ARID5B: variants seen among roughly 807,000 people sequenced by gnomAD.
The protein encoded by ARID5B is AT-rich interactive domain-containing protein 5B.
ARID5B carries 13 observed loss-of-function variants against 97.2 expected under a neutral mutation model. The ratio of observed to expected loss-of-function variants is 0.13; its 90% CI spans 0.09 to 0.21. The LOEUF is 0.21. Among genes scored for constraint, ARID5B ranks in the 10% least tolerant of loss-of-function variants. The probability of loss-of-function intolerance (pLI) is 1.00; values close to 1 mark genes in which losing one functional copy is unlikely to be tolerated. For synonymous variants in ARID5B, 556 were observed against 570.3 expected, an observed-to-expected ratio of 0.97 and a Z score of 0.36; for missense variants, 1,210 against 1,465.3, an observed-to-expected ratio of 0.83 and a Z score of 2.84.
intron 2 of ARID5B, among the ~76,000 whole-genome samples, chr10:61,917,817 A>G (rs548035830): frequency 1.3e-5 from 2 of 152,264 alleles, no homozygotes; most frequent in Admixed American, 6.5e-5. Flanking sequence ...GATGGCAGGA[A>G]GAGATGTGCA....
At chr10:62,062,801 A>T (rs1013983291) in intron 7 of ARID5B, among the ~76,000 whole-genome samples, 1 of 149,604 alleles carries the variant, frequency 6.7e-6, no homozygotes, top group African/African-American at 2.5e-5. Context: ...AAAAAAAAAA[A>T]AAAGTATGCC....
chr10:62,079,229 T>C (rs1309427540), intron 8 of ARID5B, among the ~76,000 whole-genome samples: 1 of 152,172 alleles, frequency 6.6e-6, no homozygotes, highest in African/African-American at 2.4e-5. Flanking sequence ...GCCACCTTTT[T>C]GAGATGAAGA....
At chr10:61,924,681 C>A (rs952111275) in intron 2 of ARID5B, among the ~76,000 whole-genome samples, 1 of 152,178 alleles carries the variant, frequency 6.6e-6, no homozygotes, top group Non-Finnish European at 1.5e-5. Context: ...TCGGTTTGTA[C>A]ATTAAAGTGT....
At chr10:61,966,957 A>G (rs1838553766) in intron 3 of ARID5B, among the ~76,000 whole-genome samples, 1 of 152,078 alleles carries the variant, frequency 6.6e-6, no homozygotes. Flanking sequence ...GCATTTTATT[A>G]TTTCTCACTA....
At chr10:62,042,100 C>G (rs1451984672) in intron 4 of ARID5B, among the ~76,000 whole-genome samples, 1 of 152,088 alleles carries the variant, frequency 6.6e-6, no homozygotes, top group Non-Finnish European at 1.5e-5. Context: ...GATCCTTAAA[C>G]AGCCTTAAGA....
chr10:62,060,733 G>A (rs1355366317), intron 7 of ARID5B, among the ~76,000 whole-genome samples: 1 of 152,134 alleles, frequency 6.6e-6, no homozygotes, highest in African/African-American at 2.4e-5. Context: ...AGCTTTTAAT[G>A]TTTAGAATAG....
rs182785962 is a variant in ARID5B at position 62,032,567 on chromosome 10, T to A, written c.734-18321T>A. Among the ~76,000 whole-genome samples, 11 of 151,940 alleles carry A rather than the reference T, an allele frequency of 7.2e-5. No homozygotes were observed. In the East Asian group the frequency reaches 1.9e-3, roughly 27 times the overall value. ...CTGTCTCTACTAAGAATACAAAAATTAGCCGGGCGTGGTGATGGGCGCCTG... is the reference window on the plus strand; with the variant it reads ...CTGTCTCTACTAAGAATACAAAAATAAGCCGGGCGTGGTGATGGGCGCCTG... On this transcript the variant is annotated intron_variant, in intron 4 of 9. Coordinates refer to ENST00000279873, the MANE Select transcript of ARID5B (RefSeq NM_032199.3).
intron 3 of ARID5B, among the ~76,000 whole-genome samples, chr10:61,962,221 C>T (rs1175692757): frequency 3.9e-5 from 6 of 152,186 alleles, no homozygotes; most frequent in African/African-American, 1.4e-4. Context: ...TTGAATCCTT[C>T]GGATTGTCTG....
chr10:61,990,073 C>T (rs1235379487), intron 3 of ARID5B, among the ~76,000 whole-genome samples: 5 of 152,152 alleles, frequency 3.3e-5, no homozygotes, highest in Non-Finnish European at 1.5e-5. Context: ...AAAGTCTTCT[C>T]GTACCCTCAA....
chr10:62,087,298 C>CAAAAAAAAAAAAAAA lies in ARID5B; in HGVS notation c.1398+1404_1398+1418dup, dbSNP rs71299289. Among the ~76,000 whole-genome samples the CAAAAAAAAAAAAAAA allele has an allele frequency of 2.7e-4, 11 of 40,926 alleles. 3 individuals are homozygous for CAAAAAAAAAAAAAAA. The highest frequency in any genetic ancestry group is 2.4e-3 in the East Asian group (3 of 1,264). The allele number at this position is 40,926 out of a possible 152,430, so 26.8% of individuals were successfully genotyped here. A position where few individuals can be genotyped will look rare whatever the true frequency, so the allele number is the denominator to read the frequency against. On this transcript the variant is annotated intron_variant, in intron 9 of 9. Coordinates refer to ENST00000279873, the MANE Select transcript of ARID5B (RefSeq NM_032199.3). ...TGGGTGACAGAGAGAGACTCTATCT[C>CAAAAAAAAAAAAAAA]AAAAAAAAAAAAAAAAAAAAGGAAA...
chr10:61,995,280 A>G (rs1439047051), intron 3 of ARID5B, among the ~76,000 whole-genome samples: 1 of 152,222 alleles, frequency 6.6e-6, no homozygotes, highest in Non-Finnish European at 1.5e-5. Flanking sequence ...GAAGGGTGAA[A>G]ATATCTTACA....
At chr10:61,919,853 T>G (rs1843981580) in intron 2 of ARID5B, among the ~76,000 whole-genome samples, 1 of 152,224 alleles carries the variant, frequency 6.6e-6, no homozygotes. Flanking sequence ...TGAAGTTTTT[T>G]TTTTTAAATG....
chr10:61,936,648 G>A (rs1844305855), intron 2 of ARID5B, among the ~76,000 whole-genome samples: 1 of 152,226 alleles, frequency 6.6e-6, no homozygotes, highest in Non-Finnish European at 1.5e-5. Context: ...TAAATTAAAA[G>A]TCTACCTGTG....
intron 7 of ARID5B, among the ~76,000 whole-genome samples, chr10:62,062,594 CAGAA>C (rs1839935000): frequency 6.6e-6 from 1 of 152,134 alleles, no homozygotes; most frequent in Admixed American, 6.6e-5. Flanking sequence ...GCCATTACTA[CAGAA>C]ACAGGGTAGA....
intron 4 of ARID5B, among the ~76,000 whole-genome samples, chr10:62,005,198 A>G (rs976831380): frequency 1.3e-5 from 2 of 152,202 alleles, no homozygotes; most frequent in African/African-American, 4.8e-5. Flanking sequence ...GAGGGACAGC[A>G]GGGTATAGTG....
rs959498702 is a variant in ARID5B at position 61,940,340 on chromosome 10, A to C, written c.434A>C (p.Lys145Thr). The C allele has an allele frequency of 1.2e-6, 2 of 1,614,080 alleles. No homozygotes were observed. The highest frequency in any genetic ancestry group is 1.7e-6 in the Non-Finnish European group (2 of 1,180,026). The change falls in exon 3 of 10, where the codon AAG becomes ACG. Residue 145 changes from lysine (K) to threonine (T), a missense_variant. Coordinates refer to ENST00000279873, the MANE Select transcript of ARID5B (RefSeq NM_032199.3). ...AATGGACAGAAGGAAGCTCTGCTGA[A>C]GTACAGGCAGTCAACCCTAAACAGT... ...GRNGQKEALL[K>T]YRQSTLNSGL...
At chr10:62,029,550 A>G (rs1839468003) in intron 4 of ARID5B, among the ~76,000 whole-genome samples, 1 of 152,236 alleles carries the variant, frequency 6.6e-6, no homozygotes, top group African/African-American at 2.4e-5. Flanking sequence ...ACTACTTATT[A>G]TGTGCCAGGC....
chr10:62,020,809 C>T lies in ARID5B; in HGVS notation c.733+20488C>T, dbSNP rs189773818. 2.3e-3 allele frequency among the ~76,000 whole-genome samples: 354 copies of T among 151,708 alleles called. 2 individuals carry two copies. The highest frequency in any genetic ancestry group is 8.0e-3 in the African/African-American group (332 of 41,338). On this transcript the variant is annotated intron_variant, in intron 4 of 9. Transcript: ENST00000279873. Reference sequence around the variant, plus strand: ...TTTGAGATTTAATGGGTGAATATTACGAACTTATAAAGGAGATAAAAAGTG... The same window carrying T: ...TTTGAGATTTAATGGGTGAATATTATGAACTTATAAAGGAGATAAAAAGTG...
In ARID5B at chr10:62,050,884, T is replaced by C. The variant is rs755494121; in HGVS notation, c.734-4T>C. The stretch of plus-strand genomic sequence containing the variant: ...TATATCAATTGTTTTCCATTTGTTT[T>C]CAGCGCCAAATCTTAAAGGCAGACC... On this transcript the variant is annotated splice_polypyrimidine_tract_variant and splice_region_variant and intron_variant, in intron 4 of 9. Transcript: ENST00000279873. 5 of 1,612,434 alleles carry C rather than the reference T, an allele frequency of 3.1e-6. No individual in the cohort carries two copies. The Admixed American group carries it at 8.4e-5, about 27-fold the overall frequency.
Sources: allele counts gnomAD v4.1 joint callset (sites outside exome capture counted in the v4.1 genomes callset), GRCh38; gene constraint gnomAD v4.1.1; transcripts MANE v1.5; gene names NCBI Gene and HGNC (gene_info 2026-07-23, HGNC 2026-07-21).